Variants in TCERG1L observed in about 807,000 individuals in gnomAD.
TCERG1L encodes transcription elongation regulator 1 like, also known as transcription elongation regulator 1-like protein.
A neutral mutation model predicts 56.3 loss-of-function variants in TCERG1L; 37 were observed. The ratio of observed to expected loss-of-function variants is 0.66; its 90% confidence interval spans 0.51 to 0.87. The LOEUF (loss-of-function observed/expected upper bound fraction) is 0.87. TCERG1L is among the 40% of genes least tolerant of loss of function. The pLI is 0.00. For missense variants in TCERG1L, 799 were observed against 774.2 expected, an observed-to-expected ratio of 1.03 and a Z score of -0.38; for synonymous variants, 324 against 326.3, an observed-to-expected ratio of 0.99 and a Z score of 0.08.
chr10:131,131,860 C>T (rs947117324), intron 8 of TCERG1L, among the ~76,000 whole-genome samples: 8 of 152,182 alleles, frequency 5.3e-5, no homozygotes, highest in South Asian at 2.1e-4. Context: ...ACACAAAAAG[C>T]GCAGGTCCAA....
intron 3 of TCERG1L, among the ~76,000 whole-genome samples, chr10:131,289,133 TAA>T (rs962382387): frequency 3.6e-5 from 5 of 138,592 alleles, no homozygotes; most frequent in Admixed American, 2.2e-4. Flanking sequence ...TTCGCTATAG[TAA>T]AAGTCTTGAT....
At chr10:131,120,214 A>G (rs2133393067) in intron 8 of TCERG1L, among the ~76,000 whole-genome samples, 1 of 152,222 alleles carries the variant, frequency 6.6e-6, no homozygotes, top group East Asian at 1.9e-4. Flanking sequence ...CCATGCTGGT[A>G]AGTCTGTAAA....
chr10:131,248,163 ACC>A (rs991730150), intron 4 of TCERG1L, among the ~76,000 whole-genome samples: 4 of 151,278 alleles, frequency 2.6e-5, no homozygotes, highest in African/African-American at 9.8e-5. Context: ...TGGTAAACAC[ACC>A]CACACACCCA....
chr10:131,180,480 G>A lies in TCERG1L; in HGVS notation c.857-13595C>T, dbSNP rs1312022594. Among the ~76,000 whole-genome samples the A allele has an allele frequency of 5.9e-5, 9 of 152,240 alleles. No individual in the cohort carries two copies. The East Asian group carries it at 7.7e-4, about 13-fold the overall frequency. The stretch of plus-strand genomic sequence containing the variant: ...AAAAATGAGGACATTGTATTTTTAC[G>A]TTCACATTCATTTTCGGGTACTATC... On this transcript the variant is annotated intron_variant, in intron 4 of 11. Coordinates refer to ENST00000368642, the MANE Select transcript of TCERG1L (RefSeq NM_174937.4).
intron 11 of TCERG1L, chr10:131,095,181 G>A (rs1218770953): frequency 6.5e-6 from 1 of 153,332 alleles, no homozygotes; most frequent in African/African-American, 2.4e-5. Context: ...AACCCCACCG[G>A]GCGGCCAACC....
chr10:131,271,256 G>A (rs1425289950), intron 3 of TCERG1L, among the ~76,000 whole-genome samples: 1 of 152,234 alleles, frequency 6.6e-6, no homozygotes, highest in African/African-American at 2.4e-5. Flanking sequence ...CCGGTGCAGT[G>A]GCAGGTGGCT....
chr10:131,179,624 AG>A (rs1302510838), intron 4 of TCERG1L, among the ~76,000 whole-genome samples: 1 of 152,162 alleles, frequency 6.6e-6, no homozygotes, highest in African/African-American at 2.4e-5. Context: ...ACCACCATGG[AG>A]GGCTGGCGGG....
chr10:131,107,660 C>T (rs1348864214), intron 9 of TCERG1L, among the ~76,000 whole-genome samples: 2 of 152,114 alleles, frequency 1.3e-5, no homozygotes, highest in Non-Finnish European at 2.9e-5. Flanking sequence ...GCCTGTTGTT[C>T]CCGAGCCTGC....
At chr10:131,119,989 G>A (rs1038015483) in intron 8 of TCERG1L, among the ~76,000 whole-genome samples, 8 of 152,154 alleles carry the variant, frequency 5.3e-5, no homozygotes, top group African/African-American at 1.7e-4. Flanking sequence ...CTGAAATCTG[G>A]GCACCATAGC....
At chr10:131,245,586 C>T (rs1277005038) in intron 4 of TCERG1L, among the ~76,000 whole-genome samples, 1 of 152,146 alleles carries the variant, frequency 6.6e-6, no homozygotes, top group Non-Finnish European at 1.5e-5. Context: ...AGCTCACGGT[C>T]CTCCCTGGGA....
At position 131,144,379 on chromosome 10, in the gene TCERG1L, G is replaced by A. The variant is rs142029209; in HGVS notation, c.1189+2127C>T. On this transcript the variant is annotated intron_variant, in intron 7 of 11. Transcript: ENST00000368642. ...GAACGATCGGCCAGGGAGAATGCCA[G>A]TCACTGCTGCTGGTTGCAGGTCATC... Among the ~76,000 whole-genome samples the A allele has an allele frequency of 1.8e-3, 275 of 152,286 alleles. 2 individuals carry two copies. The South Asian group carries it at 0.027, about 15-fold the overall frequency.
At chr10:131,180,207 G>A (rs1290207645) in intron 4 of TCERG1L, among the ~76,000 whole-genome samples, 4 of 152,166 alleles carry the variant, frequency 2.6e-5, no homozygotes, top group Non-Finnish European at 5.9e-5. Flanking sequence ...TATATGATAC[G>A]GGAATGGCAG....
chr10:131,150,321 C>A (rs1486770663), intron 6 of TCERG1L, among the ~76,000 whole-genome samples: 2 of 70,122 alleles, frequency 2.9e-5, no homozygotes, highest in African/African-American at 3.9e-5. Flanking sequence ...GGATACTCAG[C>A]CAGGGGCCAG....
chr10:131,199,843 T>C (rs990812155), intron 4 of TCERG1L, among the ~76,000 whole-genome samples: 2 of 152,160 alleles, frequency 1.3e-5, no homozygotes, highest in African/African-American at 4.8e-5. Flanking sequence ...CCACCCCTCG[T>C]TCTCTTTCGC....
intron 4 of TCERG1L, among the ~76,000 whole-genome samples, chr10:131,213,887 C>T (rs1287455397): frequency 6.6e-6 from 1 of 152,192 alleles, no homozygotes. Flanking sequence ...AGCAGGAAAC[C>T]CTGTGTTTCC....
intron 3 of TCERG1L, among the ~76,000 whole-genome samples, chr10:131,292,552 T>C (rs1055693787): frequency 2.0e-5 from 3 of 152,246 alleles, no homozygotes; most frequent in Admixed American, 2.0e-4. Context: ...AATCAACTTC[T>C]ATTTACAGTT....
At position 131,182,589 on chromosome 10, in the gene TCERG1L, C is replaced by T. The variant is rs573828038; in HGVS notation, c.857-15704G>A. 3.9e-4 allele frequency among the ~76,000 whole-genome samples: 59 copies of T among 152,290 alleles called. 1 individual carries two copies. Among genetic ancestry groups the T allele is most frequent in the Non-Finnish European group, 7.1e-4 (48 of 68,024 alleles). ...TCTGCATGACCAAAACAAAAGATAA[C>T]GTCAGAAGAACTGTATGGATCCCTC... On this transcript the variant is annotated intron_variant, in intron 4 of 11. Transcript: ENST00000368642.
At chr10:131,105,711 G>C (rs191901622) in intron 9 of TCERG1L, among the ~76,000 whole-genome samples, 1 of 151,834 alleles carries the variant, frequency 6.6e-6, no homozygotes, top group Non-Finnish European at 1.5e-5. Context: ...GAAATGTTCC[G>C]GAGGGGGGTG....
intron 4 of TCERG1L, among the ~76,000 whole-genome samples, chr10:131,256,022 C>T (rs1010295416): frequency 5.3e-5 from 8 of 152,166 alleles, no homozygotes; most frequent in African/African-American, 1.9e-4. Flanking sequence ...TAGAAATGAA[C>T]ACGTGTTTCC....
Sources: allele counts gnomAD v4.1 joint callset (sites outside exome capture counted in the v4.1 genomes callset), GRCh38; gene constraint gnomAD v4.1.1; transcripts MANE v1.5; gene names NCBI Gene and HGNC (gene_info 2026-07-23, HGNC 2026-07-21).